The following NKAIN3 variants were observed in gnomAD, a reference collection of about 807,000 sequenced individuals.
NKAIN3 encodes the protein sodium/potassium transporting ATPase interacting 3.
In NKAIN3, 25 loss-of-function variants were observed where a neutral mutation model predicts 30.2. The observed-to-expected ratio is 0.83, with a 90% confidence interval of 0.60 to 1.16. The LOEUF is 1.16. Ranked by LOEUF, NKAIN3 falls within the 50% of genes most tolerant of loss-of-function variation. The pLI, the probability that NKAIN3 is intolerant of heterozygous loss-of-function variation, is 0.00. For missense variants in NKAIN3, 225 were observed against 254.1 expected, an observed-to-expected ratio of 0.89 and a Z score of 0.78; for synonymous variants, 91 against 89.6, an observed-to-expected ratio of 1.02 and a Z score of -0.09.
intron 4 of NKAIN3, among the ~76,000 whole-genome samples, chr8:62,870,208 G>GATATCTATAGATATCTA (rs1820557030): frequency 3.2e-5 from 1 of 31,088 alleles, no homozygotes; most frequent in African/African-American, 1.8e-4. Flanking sequence ...ACTCTATTTT[G>GATATCTATAGATATCTA]TATATATATA....
intron 1 of NKAIN3, among the ~76,000 whole-genome samples, chr8:62,461,418 C>T (rs77717050): frequency 0.022 from 3,345 of 152,100 alleles, 136 homozygotes; most frequent in African/African-American, 0.076. Context: ...TTAAATACCA[C>T]GACATTCAAA....
At chr8:62,293,584 T>C (rs1380108793) in intron 1 of NKAIN3, among the ~76,000 whole-genome samples, 1 of 152,202 alleles carries the variant, frequency 6.6e-6, no homozygotes, top group Non-Finnish European at 1.5e-5. Context: ...TGCTGTCTGA[T>C]CCTTCTTCTG....
intron 5 of NKAIN3, among the ~76,000 whole-genome samples, chr8:62,938,015 C>T (rs541741468): frequency 6.3e-4 from 96 of 152,162 alleles, no homozygotes; most frequent in African/African-American, 2.2e-3. Flanking sequence ...GCCTGAGAAC[C>T]ACAACTCCAT....
intron 1 of NKAIN3, among the ~76,000 whole-genome samples, chr8:62,409,118 G>A (rs1013400262): frequency 1.3e-5 from 2 of 152,040 alleles, no homozygotes; most frequent in African/African-American, 4.8e-5. Flanking sequence ...ACAAGTTAGT[G>A]TTCTGTGCTA....
intron 3 of NKAIN3, among the ~76,000 whole-genome samples, chr8:62,634,369 A>G (rs535330608): frequency 6.6e-6 from 1 of 152,036 alleles, no homozygotes; most frequent in Non-Finnish European, 1.5e-5. Context: ...ACATGATTAC[A>G]TTTCTTTCCA....
intron 3 of NKAIN3, among the ~76,000 whole-genome samples, chr8:62,732,281 A>G (rs2130547134): frequency 6.6e-6 from 1 of 152,146 alleles, no homozygotes; most frequent in East Asian, 1.9e-4. Context: ...GATCGTATTA[A>G]ACTTTATTGA....
chr8:62,423,418 A>G, intron 1 of NKAIN3, among the ~76,000 whole-genome samples: 1 of 149,346 alleles, frequency 6.7e-6, no homozygotes, highest in South Asian at 2.1e-4. Context: ...TATATATAAC[A>G]TTCATATTAT....
chr8:62,543,838 A>G (rs574042802), intron 1 of NKAIN3, among the ~76,000 whole-genome samples: 1 of 152,246 alleles, frequency 6.6e-6, no homozygotes, highest in Admixed American at 6.5e-5. Flanking sequence ...TCTTCTCCCA[A>G]GGGTTTGTAA....
rs1806837934 is a variant in NKAIN3 at position 62,484,511 on chromosome 8, G to A, written c.55-95028G>A. Among the ~76,000 whole-genome samples the A allele has an allele frequency of 2.0e-5, 3 of 152,156 alleles. No homozygotes were observed. In the South Asian group the frequency reaches 6.2e-4, roughly 32 times the overall value. ...CTTTTGTTGTGATTTTTAATAGAGA[G>A]GGAGCATTGCATCTTGGTTTTGAGC... On this transcript the variant is annotated intron_variant, in intron 1 of 6. Transcript: ENST00000623646.
chr8:62,384,607 A>G (rs1427573895), intron 1 of NKAIN3, among the ~76,000 whole-genome samples: 2 of 152,210 alleles, frequency 1.3e-5, no homozygotes, highest in African/African-American at 4.8e-5. Flanking sequence ...TGCATGTAGG[A>G]GGACCCAGGC....
At chr8:62,741,182 A>C (rs1210269111) in intron 3 of NKAIN3, among the ~76,000 whole-genome samples, 1 of 152,196 alleles carries the variant, frequency 6.6e-6, no homozygotes, top group Non-Finnish European at 1.5e-5. Flanking sequence ...GGAGACTTTG[A>C]GTCTATGACG....
At chr8:62,895,609 G>C (rs1482362082) in intron 4 of NKAIN3, among the ~76,000 whole-genome samples, 3 of 152,174 alleles carry the variant, frequency 2.0e-5, no homozygotes, top group Non-Finnish European at 2.9e-5. Flanking sequence ...CTCCCAACTA[G>C]CTTTTGGGGT....
At position 62,304,248 on chromosome 8, in the gene NKAIN3, C is replaced by T. The variant is rs189684872; in HGVS notation, c.54+55121C>T. Among the ~76,000 whole-genome samples the T allele has an allele frequency of 7.9e-3, 1,191 of 150,298 alleles. 10 individuals carry two copies. Among genetic ancestry groups the T allele is most frequent in the Non-Finnish European group, 0.014 (969 of 67,960 alleles). On this transcript the variant is annotated intron_variant, in intron 1 of 6. Coordinates refer to ENST00000623646, the MANE Select transcript of NKAIN3 (RefSeq NM_001304533.3). ...AAGAAATTTTCAGTGCTCTCTCAGC[C>T]CCAATCTAAGCACAGAGAAATGTAG...
At chr8:62,738,781 A>G (rs1012147644) in intron 3 of NKAIN3, among the ~76,000 whole-genome samples, 2 of 152,070 alleles carry the variant, frequency 1.3e-5, no homozygotes, top group African/African-American at 4.8e-5. Context: ...TAGGTTGCCT[A>G]TTCACTCTGT....
chr8:62,295,076 G>T (rs1475981359), intron 1 of NKAIN3, among the ~76,000 whole-genome samples: 1 of 152,072 alleles, frequency 6.6e-6, no homozygotes, highest in East Asian at 1.9e-4. Context: ...ACTTTGGAGG[G>T]TATAACAAAT....
At chr8:62,422,481 A>G (rs534804535) in intron 1 of NKAIN3, among the ~76,000 whole-genome samples, 8 of 152,238 alleles carry the variant, frequency 5.3e-5, no homozygotes, top group Admixed American at 2.0e-4. Context: ...TTTGATTAAC[A>G]TATCAGTGAA....
chr8:62,446,507 A>G (rs938350690), intron 1 of NKAIN3, among the ~76,000 whole-genome samples: 5 of 152,048 alleles, frequency 3.3e-5, no homozygotes, highest in Non-Finnish European at 7.4e-5. Flanking sequence ...TTAAGTGTAC[A>G]CTCCATTGGC....
At chr8:62,648,219 A>T (rs1323791278) in intron 3 of NKAIN3, among the ~76,000 whole-genome samples, 2 of 149,754 alleles carry the variant, frequency 1.3e-5, no homozygotes, top group East Asian at 2.0e-4. Flanking sequence ...ATCCGTGTAG[A>T]TCCGTGGATC....
At chr8:62,353,887 T>C (rs1008176586) in intron 1 of NKAIN3, among the ~76,000 whole-genome samples, 1 of 152,210 alleles carries the variant, frequency 6.6e-6, no homozygotes, top group Non-Finnish European at 1.5e-5. Flanking sequence ...AGGCATGATG[T>C]TAATGAACAT....
Sources: allele counts gnomAD v4.1 joint callset (sites outside exome capture counted in the v4.1 genomes callset), GRCh38; gene constraint gnomAD v4.1.1; transcripts MANE v1.5; gene names NCBI Gene and HGNC (gene_info 2026-07-23, HGNC 2026-07-21).